Variants in MXRA7 observed in about 807,000 individuals in gnomAD.
MXRA7 encodes matrix remodeling associated 7.
Under a neutral mutation model 17.4 loss-of-function variants are expected in MXRA7, and 18 were observed. The ratio of observed to expected loss-of-function variants is 1.03; its 90% CI spans 0.71 to 1.53. The LOEUF is 1.53. Ranked by LOEUF, MXRA7 falls within the 40% of genes most tolerant of loss-of-function variation. MXRA7 has a pLI of 0.00. For synonymous variants in MXRA7, 70 were observed against 101.7 expected (o/e 0.69, Z 1.87); for missense variants, 141 against 209.3 (o/e 0.67, Z 2.01).
intron 1 of MXRA7, 131 bp downstream of exon 1, chr17:76,710,474 C>A: frequency 1.4e-6 from 1 of 737,530 alleles, no homozygotes; most frequent in African/African-American, 1.9e-5. Flanking sequence ...TCCTGCGGGC[C>A]GCGGGTTCTG....
chr17:76,683,434 G>A (rs969393790), intron 3 of MXRA7, among the ~76,000 whole-genome samples: 8 of 152,208 alleles, frequency 5.3e-5, no homozygotes, highest in Non-Finnish European at 8.8e-5. Flanking sequence ...TTGGGAGCAC[G>A]GACCGTTCTC....
downstream of MXRA7, chr17:76,675,682 A>G (rs1050375908): frequency 1.3e-5 from 2 of 152,234 alleles, no homozygotes; most frequent in African/African-American, 4.8e-5. Flanking sequence ...TTGACAAAAC[A>G]CATTAAAACA....
chr17:76,710,700 G>C lies in MXRA7; in HGVS notation c.247C>G (p.Leu83Val). The change falls in exon 1 of 4, where the codon CTC (leucine) becomes GTC (valine). Residue 83 changes from leucine to valine, a missense_variant. Leu to Val is a conservative substitution (Grantham distance 32). This residue lies in a region of MXRA7 where 72 missense variants were observed against 111.9 expected (regional missense o/e 0.64). Coordinates refer to ENST00000449428, the MANE Select transcript of MXRA7 (RefSeq NM_198530.4). ...TCCCCCGGTCCCGCAGGCTCCCCGA[G>C]CTCCCCCAGCCCCGCGGGCTCTCCA... ...EPGEPAGLGELGEPAGPGEPE... is the reference protein window; with the variant it reads ...EPGEPAGLGEVGEPAGPGEPE... 1 of 1,221,398 alleles carries C rather than the reference G, an allele frequency of 8.2e-7. No individual in the cohort carries two copies. The allele number at this position is 1,221,398 out of a possible 1,614,324, so 75.7% of individuals were successfully genotyped here.
At chr17:76,707,324 A>G (rs1394889839) in intron 1 of MXRA7, among the ~76,000 whole-genome samples, 1 of 62,034 alleles carries the variant, frequency 1.6e-5, no homozygotes, top group African/African-American at 7.6e-5. Flanking sequence ...TTTTTTTTTG[A>G]GATGGAGTCT....
intron 1 of MXRA7, among the ~76,000 whole-genome samples, chr17:76,700,783 A>C (rs2076580876): frequency 6.6e-6 from 1 of 152,230 alleles, no homozygotes; most frequent in East Asian, 1.9e-4. Context: ...CTATGAAGAA[A>C]GCCAAACGTG....
At position 76,688,113 on chromosome 17, in the gene MXRA7, C is replaced by A; in HGVS notation, c.406G>T (p.Gly136Ter). The A allele has an allele frequency of 6.2e-7, 1 of 1,613,530 alleles. No homozygotes were observed. The highest frequency in any genetic ancestry group is 8.5e-7 in the Non-Finnish European group (1 of 1,179,940). Residue 136 changes from glycine (G) to a stop codon, truncating the protein, a stop_gained and splice_region_variant, in exon 2 of 4, where the codon GGA becomes TGA. Transcript: ENST00000449428. LOFTEE classifies it high-confidence loss of function. The stretch of plus-strand genomic sequence containing the variant: ...TCATGAGCGCAGAGGTCCCACTCAC[C>A]GTCCTCCTCCTCAGGCCCTTCCGAT... ...PSSEGPEEED[G>*]EGFSFKYSPG...
At chr17:76,686,347 GC>G (rs1384755990) in intron 2 of MXRA7, among the ~76,000 whole-genome samples, 7 of 152,136 alleles carry the variant, frequency 4.6e-5, no homozygotes, top group Non-Finnish European at 8.8e-5. Flanking sequence ...GGGCGTGGTG[GC>G]AGGCGCCTGT....
At chr17:76,676,127 TC>T (rs1345969792), downstream of MXRA7, 5 of 152,254 alleles carry the variant, frequency 3.3e-5, no homozygotes, top group African/African-American at 9.6e-5. Flanking sequence ...GACAGAACAA[TC>T]CCCTCCGGTG....
intron 1 of MXRA7, among the ~76,000 whole-genome samples, chr17:76,710,356 G>C (rs918298070): frequency 6.6e-6 from 1 of 152,208 alleles, no homozygotes; most frequent in Non-Finnish European, 1.5e-5. Flanking sequence ...GGGGAGGGGA[G>C]AGCAAAACAC....
At chr17:76,695,629 G>A (rs1451124686) in intron 1 of MXRA7, among the ~76,000 whole-genome samples, 3 of 152,196 alleles carry the variant, frequency 2.0e-5, no homozygotes, top group African/African-American at 4.8e-5. Flanking sequence ...CAGAGTGGAT[G>A]AGAAAGCCAC....
chr17:76,704,684 C>G (rs1159352171), intron 1 of MXRA7, among the ~76,000 whole-genome samples: 1 of 148,980 alleles, frequency 6.7e-6, no homozygotes, highest in Non-Finnish European at 1.5e-5. Flanking sequence ...ATTTGGGAGG[C>G]TGAGGCAGGA....
intron 1 of MXRA7, chr17:76,688,943 G>C (rs748672494): frequency 4.1e-6 from 1 of 246,714 alleles, no homozygotes; most frequent in Admixed American, 5.6e-5. Context: ...AGCCAGCGTC[G>C]GCCGCTCACG....
chr17:76,688,087 C>G (rs770925051), intron 2 of MXRA7, 26 bp downstream of exon 2: 12 of 1,611,802 alleles, frequency 7.4e-6, no homozygotes, highest in African/African-American at 1.3e-5. Context: ...GTCAGGCCCC[C>G]TCATGAGCGC....
At chr17:76,674,366 A>G (rs1307372771) in exon 4 of MXRA7, 1 of 152,214 alleles carries the variant, frequency 6.6e-6, no homozygotes, top group Non-Finnish European at 1.5e-5. Context: ...TGATGAGAAC[A>G]ATCTCAGATG....
intron 2 of MXRA7, among the ~76,000 whole-genome samples, chr17:76,686,486 A>AC (rs1307714079): frequency 6.6e-6 from 1 of 151,656 alleles, no homozygotes; most frequent in Non-Finnish European, 1.5e-5. Flanking sequence ...GTATCCCCCT[A>AC]CCCCCCAAAA....
intron 3 of MXRA7, among the ~76,000 whole-genome samples, chr17:76,683,314 T>C (rs1196489069): frequency 2.0e-5 from 3 of 152,232 alleles, no homozygotes; most frequent in East Asian, 1.9e-4. Flanking sequence ...TGGGTGAGTG[T>C]TGCTACTACT....
intron 1 of MXRA7, among the ~76,000 whole-genome samples, chr17:76,698,384 C>T (rs919539797): frequency 4.0e-5 from 6 of 151,564 alleles, no homozygotes; most frequent in African/African-American, 1.5e-4. Flanking sequence ...CAGCAAAGCC[C>T]AGCTGGCGCC....
intron 1 of MXRA7, chr17:76,688,507 T>C (rs1433059076): frequency 7.6e-6 from 10 of 1,313,196 alleles, no homozygotes; most frequent in Non-Finnish European, 9.7e-6. Context: ...ACTGCGACGC[T>C]GCGGCCAGCA....
At chr17:76,704,027 C>T (rs1161188521) in intron 1 of MXRA7, among the ~76,000 whole-genome samples, 2 of 148,148 alleles carry the variant, frequency 1.3e-5, no homozygotes, top group Non-Finnish European at 3.0e-5. Flanking sequence ...CACTTGAACC[C>T]GGGAGGCGGA....
Sources: allele counts gnomAD v4.1 joint callset (sites outside exome capture counted in the v4.1 genomes callset), GRCh38; gene constraint gnomAD v4.1.1; regional missense constraint gnomAD v4.1.1; transcripts MANE v1.5; gene names NCBI Gene and HGNC (gene_info 2026-07-23, HGNC 2026-07-21).